Variants in SCHIP1 observed in about 807,000 individuals in gnomAD.
SCHIP1 encodes the protein schwannomin-interacting protein 1.
In SCHIP1, 8 loss-of-function variants were observed where a neutral mutation model predicts 29.7. The ratio of observed to expected loss-of-function variants is 0.27; its 90% CI spans 0.16 to 0.49. The LOEUF is 0.49. SCHIP1 is among the 20% of genes least tolerant of loss of function. SCHIP1 has a pLI of 0.99. For synonymous variants in SCHIP1, 76 were observed against 94.9 expected, an observed-to-expected ratio of 0.80 and a Z score of 1.16; for missense variants, 193 against 294.6, an observed-to-expected ratio of 0.66 and a Z score of 2.52.
In SCHIP1 at chr3:159,880,088, C is replaced by T. The variant is rs192001418; in HGVS notation, c.150-6119C>T. 2.6e-3 allele frequency among the ~76,000 whole-genome samples: 393 copies of T among 152,326 alleles called. 3 individuals carry two copies. Among genetic ancestry groups the T allele is most frequent in the Non-Finnish European group, 1.3e-3 (91 of 68,032 alleles). On this transcript the variant is annotated intron_variant, in intron 2 of 6. Transcript: ENST00000445224. The stretch of plus-strand genomic sequence containing the variant: ...ATTCACACTCCAACTACCTTTGGAG[C>T]TGCCTTCATCAGCTTCTGCTGAGGA...
the SCHIP1 span, among the ~76,000 whole-genome samples, chr3:159,483,018 A>G: frequency 6.6e-6 from 1 of 152,108 alleles, no homozygotes; most frequent in African/African-American, 2.4e-5. Flanking sequence ...AATTTAAACC[A>G]ATATATATCT....
the SCHIP1 span, among the ~76,000 whole-genome samples, chr3:159,491,223 G>A: frequency 6.6e-6 from 1 of 152,194 alleles, no homozygotes; most frequent in Non-Finnish European, 1.5e-5. Flanking sequence ...TGAGGTACCA[G>A]GTTCATCTCA....
At chr3:159,395,945 G>A in the SCHIP1 span, among the ~76,000 whole-genome samples, 1 of 152,116 alleles carries the variant, frequency 6.6e-6, no homozygotes, top group Non-Finnish European at 1.5e-5. Context: ...TTATTAACGT[G>A]TGGGAGTCCA....
chr3:159,553,764 CT>C, the SCHIP1 span, among the ~76,000 whole-genome samples: 1 of 152,144 alleles, frequency 6.6e-6, no homozygotes, highest in Non-Finnish European at 1.5e-5. Context: ...GTGTGAGCCA[CT>C]GCGCCCAGCC....
chr3:159,779,161 A>G, the SCHIP1 span, among the ~76,000 whole-genome samples: 1 of 152,336 alleles, frequency 6.6e-6, no homozygotes, highest in South Asian at 2.1e-4. Flanking sequence ...CAACCTGTGG[A>G]ACAAATGCCA....
the SCHIP1 span, among the ~76,000 whole-genome samples, chr3:159,291,729 C>A: frequency 6.6e-5 from 10 of 152,090 alleles, 1 homozygote; most frequent in Admixed American, 5.9e-4. Flanking sequence ...AAATCCAAAT[C>A]TAATCGAGTC....
At chr3:159,329,614 G>T in the SCHIP1 span, among the ~76,000 whole-genome samples, 1 of 152,162 alleles carries the variant, frequency 6.6e-6, no homozygotes, top group Non-Finnish European at 1.5e-5. Context: ...GAGTTAGTTA[G>T]ATTTCCTATT....
chr3:159,813,165 A>ATTCCT, the SCHIP1 span, among the ~76,000 whole-genome samples: 1 of 152,190 alleles, frequency 6.6e-6, no homozygotes, highest in Non-Finnish European at 1.5e-5. Flanking sequence ...GACCATATTC[A>ATTCCT]AACCATAGCA....
the SCHIP1 span, among the ~76,000 whole-genome samples, chr3:159,416,068 C>G: frequency 2.6e-5 from 4 of 152,188 alleles, no homozygotes; most frequent in African/African-American, 9.7e-5. Context: ...TTCGCATAAT[C>G]TAGCCCCTCC....
the SCHIP1 span, among the ~76,000 whole-genome samples, chr3:159,584,198 T>G: frequency 6.6e-6 from 1 of 152,170 alleles, no homozygotes; most frequent in Admixed American, 6.6e-5. Context: ...CTTTTGTTAT[T>G]TAGAAGTCTA....
chr3:159,392,010 C>T, the SCHIP1 span, among the ~76,000 whole-genome samples: 2 of 152,272 alleles, frequency 1.3e-5, no homozygotes, highest in East Asian at 3.9e-4. Flanking sequence ...GGCAACCTGT[C>T]CAGGTCTTTT....
At chr3:159,684,663 G>T in the SCHIP1 span, among the ~76,000 whole-genome samples, 3 of 152,012 alleles carry the variant, frequency 2.0e-5, no homozygotes, top group South Asian at 6.2e-4. Context: ...AATTAGCCAG[G>T]TGTGGTGGCA....
chr3:159,668,360 G>A, the SCHIP1 span, among the ~76,000 whole-genome samples: 1 of 122,310 alleles, frequency 8.2e-6, no homozygotes, highest in Non-Finnish European at 1.5e-5. Flanking sequence ...CTGGGCGACA[G>A]AGCGAGACTC....
the SCHIP1 span, among the ~76,000 whole-genome samples, chr3:159,811,856 C>G: frequency 1.3e-5 from 2 of 152,000 alleles, no homozygotes; most frequent in African/African-American, 4.8e-5. Flanking sequence ...TATGTTGAAT[C>G]TATAGATCAC....
the SCHIP1 span, among the ~76,000 whole-genome samples, chr3:159,399,883 G>T: frequency 2.0e-5 from 3 of 152,084 alleles, no homozygotes; most frequent in African/African-American, 7.2e-5. Context: ...TCACTATGTT[G>T]CCCAGGCTGG....
At chr3:159,878,023 A>G (rs1375060630) in intron 2 of SCHIP1, among the ~76,000 whole-genome samples, 3 of 151,936 alleles carry the variant, frequency 2.0e-5, no homozygotes, top group Admixed American at 6.6e-5. Context: ...ATCTCCCACC[A>G]CCTCCAGCAC....
chr3:159,651,913 G>A, the SCHIP1 span, among the ~76,000 whole-genome samples: 1,265 of 152,226 alleles, frequency 8.3e-3, 15 homozygotes, highest in African/African-American at 0.028. Flanking sequence ...TGGATAACAC[G>A]GTGAAACCGC....
At chr3:159,722,193 T>C in the SCHIP1 span, 1 of 198,116 alleles carries the variant, frequency 5.0e-6, no homozygotes, top group Non-Finnish European at 1.0e-5. Flanking sequence ...TATTTTCATA[T>C]GAAAAGGATC....
chr3:159,310,032 A>G, the SCHIP1 span, among the ~76,000 whole-genome samples: 1 of 152,218 alleles, frequency 6.6e-6, no homozygotes, highest in South Asian at 2.1e-4. Context: ...TCCAGGGTTC[A>G]GTGTAAGCTC....
Sources: gnomAD v4.1 joint callset for allele counts (sites outside exome capture counted in the v4.1 genomes callset) on GRCh38, gnomAD v4.1.1 for gene constraint, MANE v1.5 for transcripts, NCBI Gene and HGNC (gene_info 2026-07-23, HGNC 2026-07-21) for gene names.